The following ARL15 variants were observed in gnomAD, a reference collection of about 807,000 sequenced individuals.
ARL15 encodes the protein ARF like GTPase 15, also known as ADP-ribosylation factor-like protein 15.
A neutral mutation model predicts 25.2 loss-of-function variants in ARL15; 19 were observed. The observed-to-expected ratio is 0.75, with a 90% CI of 0.53 to 1.10. ARL15 has a LOEUF of 1.10. ARL15 is among the 50% of genes least tolerant of loss of function. ARL15 has a pLI of 0.00. For synonymous variants in ARL15, 94 were observed against 86.8 expected, an observed-to-expected ratio of 1.08 and a Z score of -0.46; for missense variants, 220 against 246.0, an observed-to-expected ratio of 0.89 and a Z score of 0.71.
In ARL15 at chr5:54,300,390, C is replaced by T. The variant is rs539125526; in HGVS notation, c.48+10042G>A. 1.8e-3 allele frequency among the ~76,000 whole-genome samples: 277 copies of T among 152,320 alleles called. 1 individual carries two copies. Among genetic ancestry groups the T allele is most frequent in the Non-Finnish European group, 2.9e-3 (194 of 68,022 alleles). ...CAGGGGGCCACCCTTGTCCAGCACCCAGCTGTTGCAATGTACCCAGCTCAG... is the reference window on the plus strand; with the variant it reads ...CAGGGGGCCACCCTTGTCCAGCACCTAGCTGTTGCAATGTACCCAGCTCAG... On this transcript the variant is annotated intron_variant, in intron 1 of 4. Coordinates refer to ENST00000504924, the MANE Select transcript of ARL15 (RefSeq NM_019087.3).
At chr5:54,129,882 A>G (rs893117190) in intron 3 of ARL15, among the ~76,000 whole-genome samples, 29 of 152,344 alleles carry the variant, frequency 1.9e-4, no homozygotes, top group African/African-American at 7.0e-4. Flanking sequence ...AAGTACCATC[A>G]ATATATGTAA....
chr5:54,075,147 CA>C (rs1462213109), intron 4 of ARL15, among the ~76,000 whole-genome samples: 1 of 148,746 alleles, frequency 6.7e-6, no homozygotes, highest in Non-Finnish European at 1.5e-5. Context: ...TCTCCTGGCC[CA>C]AAGAAGCTAT....
intron 1 of ARL15, among the ~76,000 whole-genome samples, chr5:54,263,239 A>T (rs1426425066): frequency 6.6e-6 from 1 of 152,196 alleles, no homozygotes; most frequent in Non-Finnish European, 1.5e-5. Context: ...TTTTGTAATA[A>T]CACAACTGTA....
chr5:54,124,286 C>T (rs568075672), intron 3 of ARL15, among the ~76,000 whole-genome samples: 8 of 152,190 alleles, frequency 5.3e-5, no homozygotes, highest in African/African-American at 1.7e-4. Flanking sequence ...CTAGACAGGT[C>T]GAAACAGTTA....
intron 4 of ARL15, among the ~76,000 whole-genome samples, chr5:54,097,552 T>A (rs1414122452): frequency 2.0e-5 from 3 of 152,236 alleles, no homozygotes; most frequent in Non-Finnish European, 2.9e-5. Flanking sequence ...GATCAATAAC[T>A]GTAAAATAGT....
intron 3 of ARL15, among the ~76,000 whole-genome samples, chr5:54,140,255 A>C (rs1054306024): frequency 7.1e-5 from 3 of 42,050 alleles, no homozygotes; most frequent in Admixed American, 2.9e-4. Context: ...AGATTTTGAA[A>C]GAAAAAAAAA....
chr5:53,906,924 T>C (rs1428052432), intron 4 of ARL15, among the ~76,000 whole-genome samples: 1 of 152,174 alleles, frequency 6.6e-6, no homozygotes, highest in Non-Finnish European at 1.5e-5. Flanking sequence ...TTTAAGAATT[T>C]CACACTGAAT....
intron 2 of ARL15, among the ~76,000 whole-genome samples, chr5:54,158,730 G>T (rs1018754651): frequency 6.6e-6 from 1 of 152,094 alleles, no homozygotes; most frequent in Non-Finnish European, 1.5e-5. Context: ...AAAATTAGCT[G>T]GGCGTGGTGG....
At chr5:54,237,623 A>T (rs2112568468) in intron 1 of ARL15, among the ~76,000 whole-genome samples, 1 of 152,334 alleles carries the variant, frequency 6.6e-6, no homozygotes, top group East Asian at 1.9e-4. Context: ...TAAAGTCAGT[A>T]AAAACGCATC....
intron 4 of ARL15, among the ~76,000 whole-genome samples, chr5:54,082,383 G>A (rs1375015380): frequency 6.6e-6 from 1 of 152,086 alleles, no homozygotes; most frequent in Non-Finnish European, 1.5e-5. Context: ...CTTATAGGTT[G>A]ACTTTTTTTT....
At chr5:54,204,539 C>T (rs1755812488) in intron 1 of ARL15, among the ~76,000 whole-genome samples, 1 of 152,196 alleles carries the variant, frequency 6.6e-6, no homozygotes, top group Non-Finnish European at 1.5e-5. Context: ...ATTACATTAA[C>T]TCCAGACTGT....
intron 3 of ARL15, among the ~76,000 whole-genome samples, chr5:54,129,712 A>T (rs955520222): frequency 6.6e-6 from 1 of 152,160 alleles, no homozygotes; most frequent in Admixed American, 6.5e-5. Context: ...GTAACAAGGA[A>T]AGTCTGATGA....
At chr5:54,075,318 A>C (rs143960276) in intron 4 of ARL15, among the ~76,000 whole-genome samples, 1 of 152,308 alleles carries the variant, frequency 6.6e-6, no homozygotes, top group East Asian at 1.9e-4. Flanking sequence ...CCCCAGGTAG[A>C]CGTGAAGCTT....
intron 1 of ARL15, among the ~76,000 whole-genome samples, chr5:54,176,400 C>T (rs997301677): frequency 6.6e-6 from 1 of 151,672 alleles, no homozygotes; most frequent in Non-Finnish European, 1.5e-5. Flanking sequence ...TTCCTAAAAA[C>T]TGTAAAGAGT....
intron 4 of ARL15, among the ~76,000 whole-genome samples, chr5:54,076,805 C>A (rs1282953260): frequency 2.0e-5 from 3 of 150,098 alleles, no homozygotes; most frequent in African/African-American, 7.3e-5. Context: ...TTTTTTTAAT[C>A]CCCCAAACTA....
chr5:54,016,563 T>G (rs1394507549), intron 4 of ARL15, among the ~76,000 whole-genome samples: 1 of 152,196 alleles, frequency 6.6e-6, no homozygotes, highest in Admixed American at 6.5e-5. Flanking sequence ...TTTCTGCTCC[T>G]TTGTCTTTAA....
Position 54,310,507 on chromosome 5 carries a change from T to TC in ARL15, c.-29dup. On this transcript the variant is annotated 5_prime_UTR_variant, in exon 1 of 5. Coordinates refer to ENST00000504924, the MANE Select transcript of ARL15 (RefSeq NM_019087.3). ...GGCAGCCTAAAGCATCCGGAACGGCTCCGAACCCGGAAAAAAAAAGCAGCG... is the reference window on the plus strand; with the variant it reads ...GGCAGCCTAAAGCATCCGGAACGGCTCCCGAACCCGGAAAAAAAAAGCAGCG... 1.9e-6 allele frequency: 3 copies of TC among 1,583,624 alleles called. No homozygotes were observed. The highest frequency in any genetic ancestry group is 1.7e-6 in the Non-Finnish European group (2 of 1,166,316).
At chr5:54,202,072 C>T (rs544484851) in intron 1 of ARL15, among the ~76,000 whole-genome samples, 1 of 152,242 alleles carries the variant, frequency 6.6e-6, no homozygotes, top group African/African-American at 2.4e-5. Context: ...CTCTCTTTAG[C>T]TCAATAATGA....
intron 4 of ARL15, among the ~76,000 whole-genome samples, chr5:54,076,838 A>C (rs971188587): frequency 3.9e-5 from 6 of 152,114 alleles, no homozygotes; most frequent in African/African-American, 1.4e-4. Flanking sequence ...CCATGGAGGA[A>C]GACATCAGCG....
Sources: gnomAD v4.1 joint callset for allele counts (sites outside exome capture counted in the v4.1 genomes callset) on GRCh38, gnomAD v4.1.1 for gene constraint, MANE v1.5 for transcripts, NCBI Gene and HGNC (gene_info 2026-07-23, HGNC 2026-07-21) for gene names.